The following GNG7 variants were observed in gnomAD, a reference collection of about 807,000 sequenced individuals.
The protein encoded by GNG7 is guanine nucleotide-binding protein G(I)/G(S)/G(O) subunit gamma-7.
Under a neutral mutation model 4.0 loss-of-function variants are expected in GNG7, and 1 was observed. The ratio of observed to expected loss-of-function variants is 0.25; its 90% CI spans 0.09 to 1.18. The LOEUF (loss-of-function observed/expected upper bound fraction) is 1.18. Ranked by LOEUF, GNG7 falls within the 50% of genes most tolerant of loss-of-function variation. The probability of loss-of-function intolerance (pLI) is 0.50; values close to 1 mark genes in which losing one functional copy is unlikely to be tolerated. For synonymous variants in GNG7, 34 were observed against 36.9 expected, an observed-to-expected ratio of 0.92 and a Z score of 0.29; for missense variants, 86 against 91.9, an observed-to-expected ratio of 0.94 and a Z score of 0.26.
chr19:2,696,390 G>T (rs1913265501), intron 1 of GNG7, among the ~76,000 whole-genome samples: 1 of 150,912 alleles, frequency 6.6e-6, no homozygotes, highest in African/African-American at 2.4e-5. Flanking sequence ...AGGGAAGAAA[G>T]AAAGGAAAGA....
chr19:2,609,010 TTCTC>T lies in GNG7; in HGVS notation c.-78+37210_-78+37213del, dbSNP rs3064559. Among the ~76,000 whole-genome samples, 34 of 149,128 alleles carry T rather than the reference TTCTC, an allele frequency of 2.3e-4. No individual in the cohort carries two copies. The highest frequency in any genetic ancestry group is 3.4e-3 in the Middle Eastern group (1 of 290). ...ATCATGCCTACCTAGTTCTTGTACATTCTCTCTCTCTCTCTCTCTCTCTTTTTTT... is the reference window on the plus strand; with the variant it reads ...ATCATGCCTACCTAGTTCTTGTACATTCTCTCTCTCTCTCTCTCTTTTTTT... On this transcript the variant is annotated intron_variant, in intron 2 of 4. Transcript: ENST00000382159. This position sits in a 1 kb window ranked among gnomAD's most constrained non-coding sequence, Gnocchi z 4.4.
intron 1 of GNG7, among the ~76,000 whole-genome samples, chr19:2,649,792 T>C (rs1982762330): frequency 6.6e-6 from 1 of 152,186 alleles, no homozygotes; most frequent in African/African-American, 2.4e-5. Flanking sequence ...TTTGCAAAAC[T>C]GGCCAACCAT....
chr19:2,540,783 T>A (rs1452555661), intron 3 of GNG7, among the ~76,000 whole-genome samples: 1 of 152,208 alleles, frequency 6.6e-6, no homozygotes, highest in Non-Finnish European at 1.5e-5. Flanking sequence ...TTTAGGTCTG[T>A]GATGCCACGG....
At position 2,603,404 on chromosome 19, in the gene GNG7, G is replaced by C. The variant is rs576476751; in HGVS notation, c.-78+42820C>G. ...TTCTGTTCCACAGGCTGCAGAGAGG[G>C]AGCTGATGCCAGAATGAGGGGGAAC... On this transcript the variant is annotated intron_variant, in intron 2 of 4. Transcript: ENST00000382159. Among the ~76,000 whole-genome samples the C allele has an allele frequency of 2.6e-5, 4 of 152,350 alleles. No homozygotes were observed. In the South Asian group the frequency reaches 8.3e-4, roughly 32 times the overall value.
intron 1 of GNG7, among the ~76,000 whole-genome samples, chr19:2,646,488 C>T (rs1982670794): frequency 6.6e-6 from 1 of 152,184 alleles, no homozygotes; most frequent in Admixed American, 6.5e-5. Context: ...AAGTTCGAGA[C>T]CAGCCTGGCC....
chr19:2,625,486 T>A (rs1343040717), intron 2 of GNG7, among the ~76,000 whole-genome samples: 7 of 151,990 alleles, frequency 4.6e-5, no homozygotes, highest in Non-Finnish European at 1.0e-4. Context: ...AGTGCTGGGA[T>A]TACAGGCGTG....
At chr19:2,640,275 GAGAA>G (rs1160048285) in intron 2 of GNG7, among the ~76,000 whole-genome samples, 3 of 151,928 alleles carry the variant, frequency 2.0e-5, no homozygotes, top group African/African-American at 7.3e-5. Flanking sequence ...GAGAGGAAGA[GAGAA>G]AGAAAGACAT....
In GNG7 at chr19:2,671,469, C is replaced by T. The variant is rs1020584215; in HGVS notation, c.-134-25189G>A. 2.0e-5 allele frequency among the ~76,000 whole-genome samples: 3 copies of T among 152,262 alleles called. No homozygotes were observed. In the East Asian group the frequency reaches 5.8e-4, roughly 29 times the overall value. On this transcript the variant is annotated intron_variant, in intron 1 of 4. Transcript: ENST00000382159. ...TGTCCGGCCTGCCTTCTGCCTCACA[C>T]GCTTCCCCCAGCTTCAGCCGCCTCC...
At chr19:2,596,396 G>A (rs762468219) in intron 2 of GNG7, among the ~76,000 whole-genome samples, 12 of 151,910 alleles carry the variant, frequency 7.9e-5, no homozygotes, top group Admixed American at 7.2e-4. Flanking sequence ...GGCCCAGCGC[G>A]GGGCTCACAC....
intron 1 of GNG7, among the ~76,000 whole-genome samples, chr19:2,689,361 G>A (rs1026165428): frequency 4.0e-5 from 6 of 151,718 alleles, no homozygotes; most frequent in South Asian, 2.1e-4. Flanking sequence ...GGCCGGGCTC[G>A]GTGGGCCTCC....
In GNG7 at chr19:2,514,395, G is replaced by T. The variant is rs1972697612; in HGVS notation, c.*627C>A. The T allele has an allele frequency of 6.5e-6, 1 of 152,770 alleles. No individual in the cohort carries two copies. The highest frequency in any genetic ancestry group is 2.4e-5 in the African/African-American group (1 of 41,358). 9.5% of individuals were successfully genotyped at this position (152,770 alleles called of 1,614,324 possible). ...CCTCCAGACCCCCACACTCCATCGT[G>T]CATTCATTGCAGGATCGTGCAGTTT... On this transcript the variant is annotated 3_prime_UTR_variant, in exon 5 of 5. Transcript: ENST00000382159.
At chr19:2,549,402 T>C (rs1444615732) in intron 3 of GNG7, among the ~76,000 whole-genome samples, 3 of 151,724 alleles carry the variant, frequency 2.0e-5, no homozygotes, top group Non-Finnish European at 4.4e-5. Context: ...AGCAATTCTC[T>C]GCCTCAGCCT....
At chr19:2,548,505 C>T (rs1031670856) in intron 3 of GNG7, among the ~76,000 whole-genome samples, 25 of 137,664 alleles carry the variant, frequency 1.8e-4, no homozygotes, top group Admixed American at 7.3e-4. Context: ...AAAAAAAAAC[C>T]TAGCCAGGCC....
rs922608617 is a variant in GNG7, at chr19:2,546,291, G to C, written c.-38+8858C>G. Among the ~76,000 whole-genome samples the C allele has an allele frequency of 2.0e-5, 3 of 152,236 alleles. No individual in the cohort carries two copies. The highest frequency in any genetic ancestry group is 7.2e-5 in the African/African-American group (3 of 41,472). ...ATGCAGAGACCCTGCACCCAGCGTG[G>C]GCACCCACCCTGCACCTGCAGCCTC... On this transcript the variant is annotated intron_variant, in intron 3 of 4. Coordinates refer to ENST00000382159, the MANE Select transcript of GNG7 (RefSeq NM_052847.3). The surrounding 1 kb of genome is among the most constrained non-coding windows in gnomAD (Gnocchi z 6.3).
intron 2 of GNG7, among the ~76,000 whole-genome samples, chr19:2,585,421 G>A (rs1020374524): frequency 5.3e-5 from 8 of 152,126 alleles, no homozygotes; most frequent in African/African-American, 1.9e-4. Flanking sequence ...CACGGTGAAC[G>A]ATGGAGTGAG....
chr19:2,604,664 T>TGGAAGGAA (rs1309817565), intron 2 of GNG7, among the ~76,000 whole-genome samples: 3 of 46,008 alleles, frequency 6.5e-5, no homozygotes, highest in Non-Finnish European at 1.2e-4. Context: ...AAAGAATGAA[T>TGGAAGGAA]GGAAGGAAGG....
At position 2,633,680 on chromosome 19, in the gene GNG7, G is replaced by T. The variant is rs1982231607; in HGVS notation, c.-78+12544C>A. On this transcript the variant is annotated intron_variant, in intron 2 of 4. Transcript: ENST00000382159. This position sits in a 1 kb window ranked among gnomAD's most constrained non-coding sequence, Gnocchi z 5.9. ...ACGGGGATTCATTGAGAGGACATCG[G>T]TGGGCTTGAAAACGGGTGTCTGTTT... Among the ~76,000 whole-genome samples, 1 of 152,084 alleles carries T rather than the reference G, an allele frequency of 6.6e-6. No homozygotes were observed. The highest frequency in any genetic ancestry group is 2.4e-5 in the African/African-American group (1 of 41,408).
chr19:2,531,497 G>T (rs1978584008), intron 3 of GNG7, among the ~76,000 whole-genome samples: 1 of 152,050 alleles, frequency 6.6e-6, no homozygotes, highest in Admixed American at 6.6e-5. Flanking sequence ...TACGATCCCA[G>T]GCCTCAGATT....
chr19:2,601,918 A>G (rs1255552543), intron 2 of GNG7, among the ~76,000 whole-genome samples: 2 of 151,664 alleles, frequency 1.3e-5, no homozygotes, highest in African/African-American at 4.8e-5. Flanking sequence ...AAGAAAAGAG[A>G]AGACAGGGGA....
Sources: allele counts gnomAD v4.1 joint callset (sites outside exome capture counted in the v4.1 genomes callset), GRCh38; gene constraint gnomAD v4.1.1; non-coding constraint Gnocchi (gnomAD v3.1); transcripts MANE v1.5; gene names NCBI Gene and HGNC (gene_info 2026-07-23, HGNC 2026-07-21).